The following BTBD6 variants were observed in gnomAD, a reference collection of about 807,000 sequenced individuals.
BTBD6 encodes the protein BTB/POZ domain-containing protein 6.
In BTBD6, 30 loss-of-function variants were observed where a neutral mutation model predicts 40.6. The ratio of observed to expected loss-of-function variants is 0.74; its 90% CI spans 0.55 to 1.00. BTBD6 has a LOEUF of 1.00. Ranked by LOEUF, BTBD6 falls within the 50% of genes least tolerant of loss-of-function variation. The pLI is 0.00. For synonymous variants in BTBD6, 378 were observed against 308.7 expected, an observed-to-expected ratio of 1.22 and a Z score of -2.35; for missense variants, 698 against 694.6, an observed-to-expected ratio of 1.00 and a Z score of -0.06.
In BTBD6 at chr14:105,250,484, G is replaced by C. The variant is rs587598398; in HGVS notation, c.1429G>C (p.Val477Leu). 3 of 1,613,998 alleles carry C rather than the reference G, an allele frequency of 1.9e-6. No individual in the cohort carries two copies. In the East Asian group the frequency reaches 6.7e-5, roughly 36 times the overall value. ...GGTCTGGTTTGAACACCCGGTCCAG[G>C]TTGAACAAGACACCTTCTACACGGC... ...FPVWFEHPVQ[V>L]EQDTFYTASA... Residue 477 changes from valine (V) to leucine (L), a missense_variant, in exon 4 of 4, where the codon GTT (valine) becomes CTT (leucine). Coordinates refer to ENST00000392554, the MANE Select transcript of BTBD6 (RefSeq NM_001387567.1).
chr14:105,248,550 C>T lies in BTBD6; in HGVS notation c.-162C>T, dbSNP rs150454083. 1.2e-6 allele frequency: 1 copy of T among 834,952 alleles called. No individual in the cohort carries two copies. The highest frequency in any genetic ancestry group is 2.2e-5 in the African/African-American group (1 of 45,716). The allele number at this position is 834,952 out of a possible 1,614,324, so 51.7% of individuals were successfully genotyped here. On this transcript the variant is annotated 5_prime_UTR_variant, in exon 1 of 4. Coordinates refer to ENST00000392554, the MANE Select transcript of BTBD6 (RefSeq NM_001387567.1). ...GCCCTGACGCAGCGTGACGCACCGG[C>T]GCCGCGGCGGGTACGGGCTCGGGCG...
Position 105,248,717 on chromosome 14 carries a change from G to C in BTBD6, c.6G>C (p.Leu2=). ...TCACAGCGCCGCCGCCGCCCATGCT[G>C]CTGCCCCTAGCCTGCCTGCACGGCC... The part of the protein sequence containing the change: M[L]LPLACLHGRV... The change falls in exon 1 of 4, where the codon CTG becomes CTC. Residue 2 remains leucine, a synonymous_variant. Transcript: ENST00000392554. 3 of 981,856 alleles carry C rather than the reference G, an allele frequency of 3.1e-6. No individual in the cohort carries two copies. Among genetic ancestry groups the C allele is most frequent in the Non-Finnish European group, 3.6e-6 (3 of 829,170 alleles). 60.8% of individuals were successfully genotyped at this position (981,856 alleles called of 1,614,324 possible).
rs1187130257 is a variant in BTBD6 at position 105,248,556 on chromosome 14, G to GGCGGGT, written c.-155_-150dup. ...ACGCAGCGTGACGCACCGGCGCCGCGGCGGGTACGGGCTCGGGCGGGCGGG... is the reference window on the plus strand; with the variant it reads ...ACGCAGCGTGACGCACCGGCGCCGCGGCGGGTGCGGGTACGGGCTCGGGCGGGCGGG... On this transcript the variant is annotated 5_prime_UTR_variant, in exon 1 of 4. Coordinates refer to ENST00000392554, the MANE Select transcript of BTBD6 (RefSeq NM_001387567.1). 7.2e-4 allele frequency: 596 copies of GGCGGGT among 828,264 alleles called. 1 individual carries two copies. The highest frequency in any genetic ancestry group is 7.5e-4 in the Non-Finnish European group (529 of 705,394). The allele number at this position is 828,264 out of a possible 1,614,324, so 51.3% of individuals were successfully genotyped here.
In BTBD6 at chr14:105,249,349, T is replaced by C; in HGVS notation, c.466-11T>C. The C allele has an allele frequency of 6.2e-6, 10 of 1,608,612 alleles. No homozygotes were observed. Among genetic ancestry groups the C allele is most frequent in the Non-Finnish European group, 8.5e-6 (10 of 1,178,090 alleles). ...GAGAGCCAGGCTCACGGCGGCGCTT[T>C]CTCCTCCCAGTACGTCTTGGCTGTC... On this transcript the variant is annotated splice_polypyrimidine_tract_variant and intron_variant, in intron 2 of 3. Transcript: ENST00000392554.
rs776540046 is a variant in BTBD6 at position 105,249,149 on chromosome 14, C to T, written c.375-8C>T. ...CCACGCCCCCAGCCCGTGCCTCTAC[C>T]TTTGCAGGAACGCGCTCATGTTCAA... is the stretch of plus-strand genomic sequence containing the variant. On this transcript the variant is annotated splice_region_variant and splice_polypyrimidine_tract_variant and intron_variant, in intron 1 of 3. Coordinates refer to ENST00000392554, the MANE Select transcript of BTBD6 (RefSeq NM_001387567.1). 7.7e-6 allele frequency: 12 copies of T among 1,568,064 alleles called. No homozygotes were observed. Among genetic ancestry groups the T allele is most frequent in the Admixed American group, 5.4e-5 (3 of 55,926 alleles).
At chr14:105,249,586 C>G in intron 3 of BTBD6, 54 bp from the exon 4 acceptor site, 6 of 1,585,300 alleles carry the variant, frequency 3.8e-6, no homozygotes, top group Non-Finnish European at 4.3e-6. Flanking sequence ...CCAGGCCCAG[C>G]CCCGCGATGG....
Position 105,250,437 on chromosome 14 carries a change from A to G in BTBD6, c.1382A>G (p.Asp461Gly), listed in dbSNP as rs1443363751. 1.2e-6 allele frequency: 2 copies of G among 1,613,978 alleles called. No homozygotes were observed. The highest frequency in any genetic ancestry group is 8.5e-7 in the Non-Finnish European group (1 of 1,180,026). ...LAQNLTKFMS[D>G]GSSNTFPVWF... The stretch of plus-strand genomic sequence containing the variant: ...CAGAACTTGACCAAGTTCATGTCAG[A>G]CGGATCCAGTAACACCTTCCCGGTC... Residue 461 changes from aspartate to glycine, a missense_variant, in exon 4 of 4, where the codon GAC becomes GGC. Asp to Gly is a moderately conservative substitution (Grantham distance 94). Coordinates refer to ENST00000392554, the MANE Select transcript of BTBD6 (RefSeq NM_001387567.1).
rs113379211 is a variant in BTBD6 at position 105,249,775 on chromosome 14, C to T, written c.720C>T (p.Asn240=). Reference sequence around the variant, plus strand: ...TGGAGACAAGTTTGGAAGCCAAGAACGCCTGCGTCCTGCTGTCCCAGAGCC... The same window carrying T: ...TGGAGACAAGTTTGGAAGCCAAGAATGCCTGCGTCCTGCTGTCCCAGAGCC... The part of the protein sequence containing the change: ...NFLETSLEAK[N]ACVLLSQSRL... Residue 240 remains asparagine, a synonymous_variant, in exon 4 of 4, where the codon AAC becomes AAT. Transcript: ENST00000392554. 4.2e-5 allele frequency: 67 copies of T among 1,613,848 alleles called. No homozygotes were observed. The African/African-American group carries it at 4.9e-4, about 12-fold the overall frequency.
Position 105,249,758 on chromosome 14 carries a change from A to C in BTBD6, c.703A>C (p.Ser235Arg). The stretch of plus-strand genomic sequence containing the variant: ...AGCCTGTGTCAACTTTCTGGAGACA[A>C]GTTTGGAAGCCAAGAACGCCTGCGT... Reference protein sequence around the residue: ...AKACVNFLETSLEAKNACVLL... With the variant: ...AKACVNFLETRLEAKNACVLL... The change falls in exon 4 of 4, where the codon AGT becomes CGT. Residue 235 changes from serine (S) to arginine (R), a missense_variant. Physicochemically the swap from Ser to Arg is moderately radical, Grantham distance 110. Transcript: ENST00000392554. 6.2e-7 allele frequency: 1 copy of C among 1,613,876 alleles called. No individual in the cohort carries two copies. Among genetic ancestry groups the C allele is most frequent in the Non-Finnish European group, 8.5e-7 (1 of 1,180,032 alleles).
At position 105,250,159 on chromosome 14, in the gene BTBD6, C is replaced by G; in HGVS notation, c.1104C>G (p.Tyr368Ter). Residue 368 changes from tyrosine to a stop codon, truncating the protein, a stop_gained, in exon 4 of 4, where the codon TAC (tyrosine) becomes TAG (stop). Coordinates refer to ENST00000392554, the MANE Select transcript of BTBD6 (RefSeq NM_001387567.1). LOFTEE classifies it high-confidence loss of function. Reference protein sequence around the residue: ...LEETHSIFLWYTATNKPRLDF... With the variant: ...LEETHSIFLW The stretch of plus-strand genomic sequence containing the variant: ...AGACCCACAGCATCTTCCTGTGGTA[C>G]ACGGCCACCAACAAGCCCCGCCTGG... The G allele has an allele frequency of 6.2e-7, 1 of 1,612,984 alleles. No individual in the cohort carries two copies. The highest frequency in any genetic ancestry group is 8.5e-7 in the Non-Finnish European group (1 of 1,180,040).
Position 105,249,496 on chromosome 14 carries a change from G to T in BTBD6, c.584+18G>T. 1 of 1,610,010 alleles carries T rather than the reference G, an allele frequency of 6.2e-7. No individual in the cohort carries two copies. Among genetic ancestry groups the T allele is most frequent in the South Asian group, 1.1e-5 (1 of 90,940 alleles). ...CTCTTAAAGTAAGTCCACTCTACTG[G>T]GGAGGGACGGGTGGGTCCGTTTTAG... On this transcript the variant is annotated intron_variant, in intron 3 of 3. Coordinates refer to ENST00000392554, the MANE Select transcript of BTBD6 (RefSeq NM_001387567.1).
Position 105,250,976 on chromosome 14 carries a change from A to G in BTBD6, c.*304A>G. ...CTTTGAGGGGTTGGATCTTCCTGCT[A>G]CCCTCTTGGATTCTAAGTGGTTCCA... On this transcript the variant is annotated 3_prime_UTR_variant, in exon 4 of 4. Coordinates refer to ENST00000392554, the MANE Select transcript of BTBD6 (RefSeq NM_001387567.1). 2.7e-6 allele frequency: 1 copy of G among 367,226 alleles called. No homozygotes were observed. The highest frequency in any genetic ancestry group is 5.2e-6 in the Non-Finnish European group (1 of 193,054). 22.7% of individuals were successfully genotyped at this position (367,226 alleles called of 1,614,324 possible). A position where few individuals can be genotyped will look rare whatever the true frequency, so the allele number is the denominator to read the frequency against.
Position 105,249,412 on chromosome 14 carries a change from T to C in BTBD6, c.518T>C (p.Leu173Pro). ...TTCTATGCCATGTTCTACGGAGACC[T>C]GGCGGAAGTCAAATCTGAAATTCAC... ...SVFYAMFYGD[L>P]AEVKSEIHIP... is the part of the protein sequence containing the mutation. Residue 173 changes from leucine to proline, a missense_variant, in exon 3 of 4, where the codon CTG becomes CCG. Physicochemically the swap from Leu to Pro is moderately conservative, Grantham distance 98. Coordinates refer to ENST00000392554, the MANE Select transcript of BTBD6 (RefSeq NM_001387567.1). 4 of 1,611,846 alleles carry C rather than the reference T, an allele frequency of 2.5e-6. No homozygotes were observed. The highest frequency in any genetic ancestry group is 3.4e-6 in the Non-Finnish European group (4 of 1,179,176).
At chr14:105,249,567 ACTCCT>A in intron 3 of BTBD6, 68 bp from the exon 4 acceptor site, 1 of 1,585,328 alleles carries the variant, frequency 6.3e-7, no homozygotes. Flanking sequence ...GAGCTGATGG[ACTCCT>A]CTCCCAGGCC....
chr14:105,250,794 G>A lies in BTBD6; in HGVS notation c.*122G>A. The A allele has an allele frequency of 9.4e-7, 1 of 1,059,628 alleles. No individual in the cohort carries two copies. The highest frequency in any genetic ancestry group is 1.4e-6 in the Non-Finnish European group (1 of 738,098). 65.6% of individuals were successfully genotyped at this position (1,059,628 alleles called of 1,614,324 possible). ...GTCTCTCTTTGACATGTAGTCAGCTGAAGCTTGACTGTGTAGAGACATTTT... is the reference window on the plus strand; with the variant it reads ...GTCTCTCTTTGACATGTAGTCAGCTAAAGCTTGACTGTGTAGAGACATTTT... On this transcript the variant is annotated 3_prime_UTR_variant, in exon 4 of 4. Transcript: ENST00000392554.
rs1472973273 is a variant in BTBD6, at chr14:105,249,262, C to T, written c.465+15C>T. 1.3e-6 allele frequency: 2 copies of T among 1,563,992 alleles called. No individual in the cohort carries two copies. The highest frequency in any genetic ancestry group is 4.6e-5 in the East Asian group (2 of 43,070). On this transcript the variant is annotated intron_variant, in intron 2 of 3. Transcript: ENST00000392554. ...CCGCCCACAAGGTGGGTAGCGGCGG[C>T]CCCTCTCGGAACGCGTGCCCCGTCC... is the stretch of plus-strand genomic sequence containing the variant.
Position 105,250,896 on chromosome 14 carries a change from A to G in BTBD6, c.*224A>G, listed in dbSNP as rs1397406173. The G allele has an allele frequency of 1.7e-6, 1 of 573,380 alleles. No homozygotes were observed. Among genetic ancestry groups the G allele is most frequent in the Non-Finnish European group, 3.2e-6 (1 of 317,238 alleles). The allele number at this position is 573,380 out of a possible 1,614,324, so 35.5% of individuals were successfully genotyped here. A position where few individuals can be genotyped will look rare whatever the true frequency, so the allele number is the denominator to read the frequency against. ...GGGTGCACGTCTCAGGTGGAGGAAG[A>G]TTTACGGCTCAAGACAGGCCCCAGA... On this transcript the variant is annotated 3_prime_UTR_variant, in exon 4 of 4. Transcript: ENST00000392554.
At chr14:105,249,560 C>G in intron 3 of BTBD6, 80 bp from the exon 4 acceptor site, 2 of 1,589,020 alleles carry the variant, frequency 1.3e-6, no homozygotes, top group Non-Finnish European at 1.7e-6. Context: ...CACACAGGAG[C>G]TGATGGACTC....
In BTBD6 at chr14:105,249,028, G is replaced by T; in HGVS notation, c.317G>T (p.Gly106Val). ...CCCGCGCCCGCGCCGCCCACACTCG[G>T]CAACAACCACCAGGAGAGCCCCGGC... The part of the protein sequence containing the change: ...PPPAPAPPTL[G>V]NNHQESPGWR... The change falls in exon 1 of 4, where the codon GGC becomes GTC. Residue 106 changes from glycine to valine, a missense_variant. Gly to Val is a moderately radical substitution (Grantham distance 109, BLOSUM62 -3). Transcript: ENST00000392554. 3 of 1,185,198 alleles carry T rather than the reference G, an allele frequency of 2.5e-6. No homozygotes were observed. Among genetic ancestry groups the T allele is most frequent in the Non-Finnish European group, 3.1e-6 (3 of 961,126 alleles). The allele number at this position is 1,185,198 out of a possible 1,614,324, so 73.4% of individuals were successfully genotyped here. A position where few individuals can be genotyped will look rare whatever the true frequency, so the allele number is the denominator to read the frequency against.
Sources: gnomAD v4.1 joint callset for allele counts on GRCh38, gnomAD v4.1.1 for gene constraint, MANE v1.5 for transcripts, NCBI Gene and HGNC (gene_info 2026-07-23, HGNC 2026-07-21) for gene names.